The following PPP2R2D variants were observed in gnomAD, a reference collection of about 807,000 sequenced individuals.
PPP2R2D encodes protein phosphatase 2 regulatory subunit Bdelta.
A neutral mutation model predicts 31.1 loss-of-function variants in PPP2R2D; 9 were observed. That is an observed-to-expected ratio of 0.29 (90% CI 0.17 to 0.51). The LOEUF (loss-of-function observed/expected upper bound fraction) is 0.51. PPP2R2D is among the 20% of genes least tolerant of loss of function. The pLI is 0.98. For missense variants in PPP2R2D, 391 were observed against 465.6 expected, an observed-to-expected ratio of 0.84 and a Z score of 1.48; for synonymous variants, 179 against 172.6, an observed-to-expected ratio of 1.04 and a Z score of -0.29.
chr10:131,948,881 G>GCAAACT (rs1554898437), intron 8 of PPP2R2D, among the ~76,000 whole-genome samples: 6 of 152,212 alleles, frequency 3.9e-5, no homozygotes, highest in Non-Finnish European at 7.3e-5. Flanking sequence ...TGGCAGATAG[G>GCAAACT]GTCCAAAGGG....
intron 5 of PPP2R2D, among the ~76,000 whole-genome samples, chr10:131,942,192 T>A (rs1239922301): frequency 1.3e-5 from 2 of 152,152 alleles, no homozygotes; most frequent in Admixed American, 6.5e-5. Flanking sequence ...CAGAAACCCC[T>A]GTTCCTCCTG....
intron 2 of PPP2R2D, among the ~76,000 whole-genome samples, chr10:131,922,572 T>G (rs2036011460): frequency 6.6e-6 from 1 of 151,626 alleles, no homozygotes; most frequent in South Asian, 2.1e-4. Flanking sequence ...CCTGCCTCAG[T>G]CCCCCGAGTA....
chr10:131,971,060 G>A, the PPP2R2D span: 1 of 1,203,284 alleles, frequency 8.3e-7, no homozygotes, highest in Non-Finnish European at 1.2e-6. Context: ...AGATCCGCAG[G>A]CTCAATTCAA....
Position 131,953,807 on chromosome 10 carries a change from G to A in PPP2R2D, c.1083-1877G>A, listed in dbSNP as rs1347176282. 2.6e-5 allele frequency among the ~76,000 whole-genome samples: 4 copies of A among 151,984 alleles called. No individual in the cohort carries two copies. In the East Asian group the frequency reaches 5.8e-4, roughly 22 times the overall value. ...GTTCACTGTCTTAGCAGTGACTTGC[G>A]GGTACATGGATAGTCACTGTATTTT... On this transcript the variant is annotated intron_variant, in intron 8 of 8. Coordinates refer to ENST00000455566, the MANE Select transcript of PPP2R2D (RefSeq NM_018461.5).
At chr10:131,968,176 C>T in the PPP2R2D span, 27 of 168,342 alleles carry the variant, frequency 1.6e-4, 2 homozygotes, top group Admixed American at 4.8e-4. Context: ...AGTACTTCAG[C>T]TGAATTAAGG....
At chr10:131,962,213 G>T (rs749033328), downstream of PPP2R2D, among the ~76,000 whole-genome samples, 3 of 152,194 alleles carry the variant, frequency 2.0e-5, no homozygotes, top group Non-Finnish European at 4.4e-5. Context: ...CAGTGGCCAG[G>T]ATCCCCGACA....
chr10:131,940,090 T>C lies in PPP2R2D; in HGVS notation c.258T>C (p.His86=), dbSNP rs1554896997. ...ATGTTTACAGCACCTTTCAAAGTCA[T>C]GAACCGGAGTTTGACTATTTGAAAA... ...EYNVYSTFQS[H]EPEFDYLKSL... is the part of the protein sequence containing the mutation. Residue 86 remains histidine, a synonymous_variant, in exon 4 of 9, where the codon CAT becomes CAC. Coordinates refer to ENST00000455566, the MANE Select transcript of PPP2R2D (RefSeq NM_018461.5). The C allele has an allele frequency of 1.3e-6, 1 of 778,540 alleles. No individual in the cohort carries two copies. Among genetic ancestry groups the C allele is most frequent in the South Asian group, 1.3e-5 (1 of 74,132 alleles). 48.2% of individuals were successfully genotyped at this position (778,540 alleles called of 1,614,324 possible).
At chr10:131,903,256 C>G (rs1163650173) in intron 2 of PPP2R2D, among the ~76,000 whole-genome samples, 1 of 151,876 alleles carries the variant, frequency 6.6e-6, no homozygotes, top group East Asian at 1.9e-4. Flanking sequence ...CACTTGAGGT[C>G]AGGAGTTTGA....
At chr10:131,944,191 T>G (rs1265450062) in intron 6 of PPP2R2D, 46 bp downstream of exon 6, 2 of 1,508,270 alleles carry the variant, frequency 1.3e-6, no homozygotes, top group Non-Finnish European at 9.0e-7. Flanking sequence ...AGGGTGCTCT[T>G]TAGATAGTAA....
Position 131,932,646 on chromosome 10 carries a change from C to CAAAAAAAA in PPP2R2D, c.101-1797_101-1790dup, listed in dbSNP as rs368610703. ...CGCGCCACTGTACTCCAGCCTGTCT[C>CAAAAAAAA]AAAAAAAAAAAAAAAAAAAAAACAC... On this transcript the variant is annotated intron_variant, in intron 2 of 8. Coordinates refer to ENST00000455566, the MANE Select transcript of PPP2R2D (RefSeq NM_018461.5). 6.2e-3 allele frequency among the ~76,000 whole-genome samples: 356 copies of CAAAAAAAA among 57,806 alleles called. 13 individuals are homozygous for CAAAAAAAA. The highest frequency in any genetic ancestry group is 0.022 in the African/African-American group (313 of 14,384). The allele number at this position is 57,806 out of a possible 152,430, so 37.9% of individuals were successfully genotyped here.
chr10:131,941,977 G>A (rs2119862370), intron 5 of PPP2R2D, among the ~76,000 whole-genome samples: 1 of 152,234 alleles, frequency 6.6e-6, no homozygotes, highest in East Asian at 1.9e-4. Flanking sequence ...ACACAGTGCT[G>A]CCGCCTTTGC....
In PPP2R2D at chr10:131,957,281, C is replaced by T. The variant is rs1251619420; in HGVS notation, c.*1318C>T. 3.1e-5 allele frequency: 5 copies of T among 162,558 alleles called. No homozygotes were observed. The highest frequency in any genetic ancestry group is 5.0e-5 in the African/African-American group (2 of 40,346). 10.1% of individuals were successfully genotyped at this position (162,558 alleles called of 1,614,324 possible). On this transcript the variant is annotated 3_prime_UTR_variant, in exon 9 of 9. Transcript: ENST00000455566. ...GAGATGGAGGTGTGTGCTGATCGCC[C>T]GTCACCCTGTCTAGATGAAGGTATG...
At chr10:131,954,120 C>G (rs1217477005) in intron 8 of PPP2R2D, among the ~76,000 whole-genome samples, 10 of 152,212 alleles carry the variant, frequency 6.6e-5, no homozygotes, top group African/African-American at 2.4e-4. Context: ...CTGTGCTGTT[C>G]CCTTCCTGGG....
At chr10:131,917,730 C>T (rs1232091400) in intron 2 of PPP2R2D, among the ~76,000 whole-genome samples, 1 of 113,206 alleles carries the variant, frequency 8.8e-6, no homozygotes, top group Non-Finnish European at 1.8e-5. Flanking sequence ...AGGGACCTCA[C>T]GTGGGTGGAA....
chr10:131,932,659 AAAAAAAAAACACAC>A, intron 2 of PPP2R2D, among the ~76,000 whole-genome samples: 1 of 149,686 alleles, frequency 6.7e-6, no homozygotes, highest in East Asian at 1.9e-4. Context: ...AAAAAAAAAA[AAAAAAAAAACACAC>A]AAAAAAAACC....
In PPP2R2D at chr10:131,957,452, A is replaced by G; in HGVS notation, c.*1489A>G. 6.3e-6 allele frequency: 1 copy of G among 158,968 alleles called. No homozygotes were observed. Among genetic ancestry groups the G allele is most frequent in the South Asian group, 1.0e-4 (1 of 9,578 alleles). The allele number at this position is 158,968 out of a possible 1,614,324, so 9.8% of individuals were successfully genotyped here. On this transcript the variant is annotated 3_prime_UTR_variant, in exon 9 of 9. Coordinates refer to ENST00000455566, the MANE Select transcript of PPP2R2D (RefSeq NM_018461.5). ...CCATCCCATCCCCCTGTCTAGATGA[A>G]GGTGTGTGCTGATTCCTCATGCCCC...
intron 2 of PPP2R2D, among the ~76,000 whole-genome samples, chr10:131,930,002 C>G (rs1373220292): frequency 1.3e-5 from 2 of 152,114 alleles, no homozygotes; most frequent in Non-Finnish European, 2.9e-5. Context: ...ATGATTCCGC[C>G]TTTTACTGAT....
chr10:131,920,350 C>T (rs1203398550), intron 2 of PPP2R2D, among the ~76,000 whole-genome samples: 8 of 141,046 alleles, frequency 5.7e-5, no homozygotes, highest in African/African-American at 1.9e-4. Context: ...GTAGGGACCT[C>T]AGGCAGGTGG....
rs1554897871 is a variant in PPP2R2D, at chr10:131,945,444, G to A, written c.805G>A (p.Asp269Asn). 2.5e-6 allele frequency: 4 copies of A among 1,612,096 alleles called. No homozygotes were observed. The highest frequency in any genetic ancestry group is 2.2e-5 in the East Asian group (1 of 44,872). Residue 269 changes from aspartate to asparagine, a missense_variant, in exon 7 of 9, where the codon GAC (aspartate) becomes AAC (asparagine). This residue lies in a region of PPP2R2D where 123 missense variants were observed against 187.7 expected (regional missense o/e 0.66). Coordinates refer to ENST00000455566, the MANE Select transcript of PPP2R2D (RefSeq NM_018461.5). This position sits in a 1 kb window ranked among gnomAD's most constrained non-coding sequence, Gnocchi z 4.8. ...LCDMRSSALC[D>N]RHSKFFEEPE... ...TGACATGCGCTCCTCGGCCCTGTGC[G>A]ACAGACACTCCAAGTGTAAGTGCGT... is the stretch of plus-strand genomic sequence containing the variant.
Sources: allele counts gnomAD v4.1 joint callset (sites outside exome capture counted in the v4.1 genomes callset), GRCh38; gene constraint gnomAD v4.1.1; regional missense constraint gnomAD v4.1.1; non-coding constraint Gnocchi (gnomAD v3.1); transcripts MANE v1.5; gene names NCBI Gene and HGNC (gene_info 2026-07-23, HGNC 2026-07-21).